PPP1R12C: variants seen among roughly 807,000 people sequenced by gnomAD.
PPP1R12C encodes protein phosphatase 1 regulatory subunit 12C.
A neutral mutation model predicts 95.6 loss-of-function variants in PPP1R12C; 48 were observed. That is an observed-to-expected ratio of 0.50 (90% CI 0.40 to 0.64). The LOEUF (loss-of-function observed/expected upper bound fraction) is 0.64. Ranked by LOEUF, PPP1R12C falls within the 30% of genes least tolerant of loss-of-function variation. The pLI, the probability that PPP1R12C is intolerant of heterozygous loss-of-function variation, is 0.00. For synonymous variants in PPP1R12C, 480 were observed against 460.8 expected (o/e 1.04, Z -0.53); for missense variants, 1,057 against 1,083.3 (o/e 0.98, Z 0.34).
chr19:55,095,430 C>T lies in PPP1R12C; in HGVS notation c.1386+15G>A. The T allele has an allele frequency of 6.4e-7, 1 of 1,560,740 alleles. No homozygotes were observed. Among genetic ancestry groups the T allele is most frequent in the Non-Finnish European group, 8.7e-7 (1 of 1,152,740 alleles). On this transcript the variant is annotated intron_variant, in intron 10 of 21. Coordinates refer to ENST00000263433, the MANE Select transcript of PPP1R12C (RefSeq NM_017607.4). ...GCAGGGGCCTGGGCCTGGACCCGGC[C>T]CAACCCTCACTCACCTGAGTGGAGG...
rs2084832205 is a variant in PPP1R12C, at chr19:55,091,024, C to CAAA, written c.*447_*448insTTT. ...GGAGGGGGCAGCAAAAAATAGAAGA[C>CAAA]GTCCCTCCCTATTGCACATGGACCC... On this transcript the variant is annotated 3_prime_UTR_variant, in exon 22 of 22. Transcript: ENST00000263433. The CAAA allele has an allele frequency of 6.1e-6, 1 of 162,714 alleles. No homozygotes were observed. Among genetic ancestry groups the CAAA allele is most frequent in the Non-Finnish European group, 1.3e-5 (1 of 74,932 alleles). 10.1% of individuals were successfully genotyped at this position (162,714 alleles called of 1,614,324 possible). A position where few individuals can be genotyped will look rare whatever the true frequency, so the allele number is the denominator to read the frequency against.
chr19:55,095,389 C>A, intron 10 of PPP1R12C, 31 bp from the exon 11 acceptor site: 1 of 1,574,570 alleles, frequency 6.4e-7, no homozygotes, highest in Admixed American at 1.8e-5. Context: ...GAGGAAGGGG[C>A]AGTTCCCTCG....
chr19:55,103,693 T>C, intron 3 of PPP1R12C, 125 bp from the exon 4 acceptor site: 2 of 932,714 alleles, frequency 2.1e-6, no homozygotes, highest in Non-Finnish European at 3.0e-6. Context: ...TGCTCCCCTC[T>C]GAGACTCAGG....
intron 11 of PPP1R12C, 35 bp downstream of exon 11, chr19:55,095,256 C>G (rs978237503): frequency 1.9e-6 from 3 of 1,544,316 alleles, no homozygotes; most frequent in African/African-American, 2.7e-5. Context: ...ACATCTGCCA[C>G]CCACCCCTGA....
At chr19:55,103,117 T>C (rs2084996293) in intron 4 of PPP1R12C, among the ~76,000 whole-genome samples, 1 of 152,080 alleles carries the variant, frequency 6.6e-6, no homozygotes, top group Non-Finnish European at 1.5e-5. Context: ...CACCTGAGCC[T>C]GGGGAGTTTG....
In PPP1R12C at chr19:55,093,226, G is replaced by A; in HGVS notation, c.1691C>T (p.Thr564Ile). ...RQSRRSTQGV[T>I]LTDLKEAEKA... is the part of the protein sequence containing the mutation. ...CTCTGCCTCCTTCAGGTCTGTAAGA[G>A]TCACACCCTGGCAGGGAAAGGGGAC... Residue 564 changes from threonine to isoleucine, a missense_variant, in exon 14 of 22, where the codon ACT becomes ATT. Physicochemically the swap from Thr to Ile is moderately conservative, Grantham distance 89. This residue lies in a region of PPP1R12C where 347 missense variants were observed against 307.9 expected (regional missense o/e 1.13). Coordinates refer to ENST00000263433, the MANE Select transcript of PPP1R12C (RefSeq NM_017607.4). 1 of 1,613,028 alleles carries A rather than the reference G, an allele frequency of 6.2e-7. No homozygotes were observed. Among genetic ancestry groups the A allele is most frequent in the Non-Finnish European group, 8.5e-7 (1 of 1,179,840 alleles).
intron 11 of PPP1R12C, chr19:55,095,016 T>G: frequency 1.4e-6 from 1 of 695,712 alleles, no homozygotes; most frequent in African/African-American, 1.8e-5. Flanking sequence ...GTGCGAGAAC[T>G]GAGAGCGGGA....
At chr19:55,104,332 T>C (rs568794112) in intron 3 of PPP1R12C, among the ~76,000 whole-genome samples, 4 of 150,070 alleles carry the variant, frequency 2.7e-5, no homozygotes, top group Admixed American at 1.3e-4. Context: ...AAAACCTATA[T>C]ATATATCTCT....
rs2084832363 is a variant in PPP1R12C at position 55,091,032 on chromosome 19, C to T, written c.*440G>A. On this transcript the variant is annotated 3_prime_UTR_variant, in exon 22 of 22. Transcript: ENST00000263433. ...CAGCAAAAAATAGAAGACGTCCCTC[C>T]CTATTGCACATGGACCCTATATACA... 6.0e-6 allele frequency: 1 copy of T among 167,180 alleles called. No homozygotes were observed. The highest frequency in any genetic ancestry group is 1.7e-4 in the South Asian group (1 of 5,722). 10.4% of individuals were successfully genotyped at this position (167,180 alleles called of 1,614,324 possible). A position where few individuals can be genotyped will look rare whatever the true frequency, so the allele number is the denominator to read the frequency against.
chr19:55,093,118 G>T (rs747787461), intron 14 of PPP1R12C, 35 bp downstream of exon 14: 1 of 1,612,986 alleles, frequency 6.2e-7, no homozygotes. Flanking sequence ...AGGACATCCC[G>T]CACCACCCCA....
intron 20 of PPP1R12C, 51 bp downstream of exon 20, chr19:55,091,808 G>A (rs1484945482): frequency 6.2e-7 from 1 of 1,612,320 alleles, no homozygotes; most frequent in Non-Finnish European, 8.5e-7. Context: ...CAAACTTAGG[G>A]ATGTGAGGCT....
chr19:55,111,618 C>T (rs2085096665), intron 3 of PPP1R12C: 1 of 152,110 alleles, frequency 6.6e-6, no homozygotes, highest in Non-Finnish European at 1.5e-5. Context: ...CCTATCCTTT[C>T]AGCCTGGCCA....
rs570910048 is a variant in PPP1R12C at position 55,117,134 on chromosome 19, C to T, written c.321+89G>A. On this transcript the variant is annotated intron_variant, in intron 1 of 21. Coordinates refer to ENST00000263433, the MANE Select transcript of PPP1R12C (RefSeq NM_017607.4). Reference sequence around the variant, plus strand: ...CAGGGCCAGGAACGACGGGGCGGATCGAGACTGGCAACGGGGAAGGAGGAT... The same window carrying T: ...CAGGGCCAGGAACGACGGGGCGGATTGAGACTGGCAACGGGGAAGGAGGAT... 2.9e-5 allele frequency: 32 copies of T among 1,092,314 alleles called. No homozygotes were observed. In the African/African-American group the frequency reaches 5.3e-4, roughly 18 times the overall value. 67.7% of individuals were successfully genotyped at this position (1,092,314 alleles called of 1,614,324 possible).
At position 55,117,372 on chromosome 19, in the gene PPP1R12C, C is replaced by T. The variant is rs1394140296; in HGVS notation, c.172G>A (p.Ala58Thr). 5.0e-5 allele frequency: 55 copies of T among 1,104,102 alleles called. No homozygotes were observed. Among genetic ancestry groups the T allele is most frequent in the Non-Finnish European group, 6.1e-5 (55 of 907,722 alleles). The allele number at this position is 1,104,102 out of a possible 1,614,324, so 68.4% of individuals were successfully genotyped here. The change falls in exon 1 of 22, where the codon GCC (alanine) becomes ACC (threonine). Residue 58 changes from alanine to threonine, a missense_variant. Coordinates refer to ENST00000263433, the MANE Select transcript of PPP1R12C (RefSeq NM_017607.4). ...RFERAAEFLA[A>T]CAGGDLDEAR... The stretch of plus-strand genomic sequence containing the variant: ...TCGTCCAGGTCGCCGCCCGCACAGG[C>T]CGCCAGGAACTCGGCGGCGCGCTCG...
Position 55,101,931 on chromosome 19 carries a change from G to A in PPP1R12C, c.731+1478C>T, listed in dbSNP as rs192254858. 6.0e-3 allele frequency among the ~76,000 whole-genome samples: 909 copies of A among 152,124 alleles called. 6 individuals are homozygous for A. Among genetic ancestry groups the A allele is most frequent in the South Asian group, 0.031 (147 of 4,806 alleles). ...AGCCGAAGGGACAGCGGCCTGGAGC[G>A]GTTAGAGGCATCTTATGTACCTCAC... On this transcript the variant is annotated intron_variant, in intron 4 of 21. Transcript: ENST00000263433.
intron 3 of PPP1R12C, among the ~76,000 whole-genome samples, chr19:55,103,995 CAAAA>C (rs35207330): frequency 8.4e-6 from 1 of 118,704 alleles, no homozygotes. Context: ...ACTAAAACTA[CAAAA>C]AAAAAAAAAA....
rs538602639 is a variant in PPP1R12C at position 55,109,530 on chromosome 19, A to C, written c.571+2937T>G. Among the ~76,000 whole-genome samples, 243 of 152,346 alleles carry C rather than the reference A, an allele frequency of 1.6e-3. 2 individuals are homozygous for C. Among genetic ancestry groups the C allele is most frequent in the Middle Eastern group, 6.8e-3 (2 of 294 alleles). On this transcript the variant is annotated intron_variant, in intron 3 of 21. Transcript: ENST00000263433. This position sits in a 1 kb window ranked among gnomAD's most constrained non-coding sequence, Gnocchi z 4.4. ...TTGGAGGGAGCGGTGGCTCCAGGCC[A>C]CGAGGTGACTGGCTGAGCAGATCAC... is the stretch of plus-strand genomic sequence containing the variant.
chr19:55,091,985 G>A (rs1602966392), intron 19 of PPP1R12C, 76 bp from the exon 20 acceptor site: 1 of 1,556,736 alleles, frequency 6.4e-7, no homozygotes, highest in Non-Finnish European at 8.8e-7. Context: ...GCTCCTGCTG[G>A]GCACCCGCCC....
At chr19:55,094,459 GACA>G in intron 12 of PPP1R12C, 24 bp from the exon 13 acceptor site, 1 of 1,612,760 alleles carries the variant, frequency 6.2e-7, no homozygotes, top group Non-Finnish European at 8.5e-7. Flanking sequence ...CCCAACCTCA[GACA>G]GGGAACCTGG....
Sources: allele counts gnomAD v4.1 joint callset (sites outside exome capture counted in the v4.1 genomes callset), GRCh38; gene constraint gnomAD v4.1.1; regional missense constraint gnomAD v4.1.1; non-coding constraint Gnocchi (gnomAD v3.1); transcripts MANE v1.5; gene names NCBI Gene and HGNC (gene_info 2026-07-23, HGNC 2026-07-21).